The following PCDH7 variants were observed in gnomAD, a reference collection of about 807,000 sequenced individuals.
The protein encoded by PCDH7 is protocadherin 7, also known as protocadherin-7.
In PCDH7, 17 loss-of-function variants were observed where a neutral mutation model predicts 58.9. That is an observed-to-expected ratio of 0.29 (90% CI 0.20 to 0.43). The LOEUF (loss-of-function observed/expected upper bound fraction) is 0.43. PCDH7 is among the 20% of genes least tolerant of loss of function. The probability of loss-of-function intolerance (pLI) is 1.00; values close to 1 mark genes in which losing one functional copy is unlikely to be tolerated. For synonymous variants in PCDH7, 664 were observed against 616.4 expected (o/e 1.08, Z -1.14); for missense variants, 1,274 against 1,441.0 (o/e 0.88, Z 1.88).
chr4:30,823,782 A>C (rs1430522386), intron 1 of PCDH7, among the ~76,000 whole-genome samples: 1 of 152,120 alleles, frequency 6.6e-6, no homozygotes, highest in East Asian at 1.9e-4. Flanking sequence ...GATAGGGCTA[A>C]CTCAGCATAG....
intron 1 of PCDH7, among the ~76,000 whole-genome samples, chr4:30,895,192 A>G (rs1326769311): frequency 6.6e-6 from 1 of 151,906 alleles, no homozygotes; most frequent in East Asian, 1.9e-4. Context: ...GCAGTGGAGA[A>G]TGCAAAGGAG....
intron 1 of PCDH7, among the ~76,000 whole-genome samples, chr4:30,757,863 C>G (rs1006176362): frequency 6.6e-6 from 1 of 152,100 alleles, no homozygotes; most frequent in Non-Finnish European, 1.5e-5. Context: ...TTGGAGTGAT[C>G]AGATTAGTGA....
At chr4:31,077,635 G>T (rs1294446390) in intron 3 of PCDH7, among the ~76,000 whole-genome samples, 1 of 152,064 alleles carries the variant, frequency 6.6e-6, no homozygotes, top group Non-Finnish European at 1.5e-5. Flanking sequence ...GGATGGAAAG[G>T]GAGGTATGGG....
intron 3 of PCDH7, among the ~76,000 whole-genome samples, chr4:31,050,315 A>G (rs1756630572): frequency 6.6e-6 from 1 of 152,170 alleles, no homozygotes; most frequent in South Asian, 2.1e-4. Context: ...GTACTCTGCT[A>G]TGTAGACTAC....
At chr4:31,123,044 G>A (rs964557495) in intron 3 of PCDH7, among the ~76,000 whole-genome samples, 5 of 151,818 alleles carry the variant, frequency 3.3e-5, no homozygotes, top group African/African-American at 1.2e-4. Flanking sequence ...TTCTTACAAT[G>A]TGCATTTTAA....
intron 1 of PCDH7, among the ~76,000 whole-genome samples, chr4:30,902,958 A>G (rs984675110): frequency 2.0e-5 from 3 of 152,112 alleles, no homozygotes; most frequent in African/African-American, 7.2e-5. Flanking sequence ...CTCTTGTGGC[A>G]TTTACTATTG....
intron 3 of PCDH7, among the ~76,000 whole-genome samples, chr4:30,984,251 C>A (rs933268607): frequency 4.6e-5 from 7 of 152,140 alleles, no homozygotes; most frequent in Non-Finnish European, 7.4e-5. Context: ...CTAGAGACTG[C>A]TGAAACAGAA....
At chr4:30,755,396 G>GT in intron 1 of PCDH7, among the ~76,000 whole-genome samples, 1 of 152,198 alleles carries the variant, frequency 6.6e-6, no homozygotes, top group South Asian at 2.1e-4. Context: ...GATCCTGAAA[G>GT]TTGCATAGAT....
At chr4:31,086,373 G>T (rs576179512) in intron 3 of PCDH7, among the ~76,000 whole-genome samples, 2 of 152,216 alleles carry the variant, frequency 1.3e-5, no homozygotes, top group South Asian at 4.1e-4. Flanking sequence ...GTCTGTTTTT[G>T]CATGCTGTGT....
chr4:30,742,130 T>A (rs1253453504), intron 1 of PCDH7, among the ~76,000 whole-genome samples: 1 of 152,204 alleles, frequency 6.6e-6, no homozygotes, highest in Non-Finnish European at 1.5e-5. Context: ...TAAAATTGTA[T>A]GTTTATCAGT....
chr4:30,946,605 GTCTC>G (rs765813541), intron 2 of PCDH7, among the ~76,000 whole-genome samples: 2 of 151,392 alleles, frequency 1.3e-5, no homozygotes, highest in African/African-American at 2.4e-5. Flanking sequence ...GTGAAAAGCA[GTCTC>G]TCTCTTGTGA....
chr4:30,932,772 A>G (rs1744800885), intron 2 of PCDH7, among the ~76,000 whole-genome samples: 2 of 152,192 alleles, frequency 1.3e-5, no homozygotes, highest in South Asian at 2.1e-4. Context: ...ACACAATTTT[A>G]TCACGGCCTC....
intron 3 of PCDH7, among the ~76,000 whole-genome samples, chr4:30,981,764 T>A (rs901447390): frequency 6.6e-6 from 1 of 152,230 alleles, no homozygotes; most frequent in African/African-American, 2.4e-5. Flanking sequence ...CGATCTGATA[T>A]GAAAATGCTT....
intron 3 of PCDH7, among the ~76,000 whole-genome samples, chr4:31,065,651 G>A (rs756859878): frequency 3.3e-5 from 5 of 151,916 alleles, no homozygotes; most frequent in South Asian, 4.1e-4. Context: ...AGCACGTACC[G>A]AGTAGTAAGT....
intron 1 of PCDH7, among the ~76,000 whole-genome samples, chr4:30,897,841 T>A (rs1739650977): frequency 6.6e-6 from 1 of 152,224 alleles, no homozygotes; most frequent in Non-Finnish European, 1.5e-5. Flanking sequence ...TTAGTTTTAT[T>A]TGAGAAATCA....
intron 1 of PCDH7, among the ~76,000 whole-genome samples, chr4:30,846,613 G>T (rs139559162): frequency 1.3e-5 from 2 of 151,992 alleles, no homozygotes; most frequent in African/African-American, 4.8e-5. Flanking sequence ...AGCATCCTTG[G>T]TGTCTACTTA....
chr4:30,874,519 A>G (rs1053098753), intron 1 of PCDH7, among the ~76,000 whole-genome samples: 5 of 150,768 alleles, frequency 3.3e-5, no homozygotes, highest in African/African-American at 1.2e-4. Context: ...GAAGGGGAAC[A>G]ACACACTCTG....
At chr4:31,098,057 C>G (rs1024159862) in intron 3 of PCDH7, among the ~76,000 whole-genome samples, 1 of 152,110 alleles carries the variant, frequency 6.6e-6, no homozygotes, top group East Asian at 1.9e-4. Context: ...CAAAGTCCTT[C>G]GTATACTTCT....
intron 3 of PCDH7, among the ~76,000 whole-genome samples, chr4:31,006,204 A>G (rs1752756781): frequency 6.6e-6 from 1 of 152,216 alleles, no homozygotes; most frequent in Non-Finnish European, 1.5e-5. Flanking sequence ...AATCAACATG[A>G]TAGTAGGACC....
Sources: allele counts gnomAD v4.1 joint callset (sites outside exome capture counted in the v4.1 genomes callset), GRCh38; gene constraint gnomAD v4.1.1; transcripts MANE v1.5; gene names NCBI Gene and HGNC (gene_info 2026-07-23, HGNC 2026-07-21).